Variants in CAMK4 observed in about 807,000 individuals in gnomAD.
The protein encoded by CAMK4 is calcium/calmodulin-dependent protein kinase type IV.
CAMK4 carries 22 observed loss-of-function variants against 44.9 expected under a neutral mutation model. That is an observed-to-expected ratio of 0.49 (90% CI 0.35 to 0.70). The LOEUF (loss-of-function observed/expected upper bound fraction) is 0.70, where lower values mean the gene tolerates loss of function less well. CAMK4 is among the 30% of genes least tolerant of loss of function. CAMK4 has a pLI of 0.01. For missense variants in CAMK4, 498 were observed against 586.8 expected (o/e 0.85, Z 1.56); for synonymous variants, 218 against 215.4 (o/e 1.01, Z -0.11).
intron 4 of CAMK4, among the ~76,000 whole-genome samples, chr5:111,380,864 C>T (rs1283742758): frequency 6.6e-6 from 1 of 152,124 alleles, no homozygotes; most frequent in Non-Finnish European, 1.5e-5. Flanking sequence ...TTAATGCAAT[C>T]AGATATTAGG....
chr5:111,438,083 G>A (rs1421090572), intron 5 of CAMK4, among the ~76,000 whole-genome samples: 4 of 152,202 alleles, frequency 2.6e-5, no homozygotes, highest in Non-Finnish European at 2.9e-5. Context: ...TGTAGATGGC[G>A]AGGGAGAGAA....
In CAMK4 at chr5:111,484,421, G is replaced by A. The variant is rs1580814524; in HGVS notation, c.1377G>A (p.Val459=). ...GAGAAGGGCAAGGAAGCTCTGCTGT[G>A]GGTTTTGAAGTTCCACAGCAAGATG... ...APREGQGSSA[V]GFEVPQQDVI... The change falls in exon 11 of 11, where the codon GTG becomes GTA. Residue 459 remains valine, a synonymous_variant. Transcript: ENST00000282356. This position sits in a 1 kb window ranked among gnomAD's most constrained non-coding sequence, Gnocchi z 5.3. 1.3e-6 allele frequency: 2 copies of A among 1,537,828 alleles called. No individual in the cohort carries two copies. Among genetic ancestry groups the A allele is most frequent in the Middle Eastern group, 1.8e-4 (1 of 5,694 alleles).
rs1749287755 is a variant in CAMK4, at chr5:111,333,996, AG to A, written c.162-10026del. Among the ~76,000 whole-genome samples, 3 of 151,448 alleles carry A rather than the reference AG, an allele frequency of 2.0e-5. No individual in the cohort carries two copies. In the Admixed American group the frequency reaches 2.0e-4, roughly 10 times the overall value. ...AGGAGGACATGAGAAGACTGAAGTG[AG>A]GTGCTTACGCTTGCTTTCTGCAGGA... On this transcript the variant is annotated intron_variant, in intron 1 of 10. Coordinates refer to ENST00000282356, the MANE Select transcript of CAMK4 (RefSeq NM_001744.6).
chr5:111,346,846 A>AAACAAACAAACAAACAAAC (rs372511472), intron 2 of CAMK4, among the ~76,000 whole-genome samples: 22 of 116,862 alleles, frequency 1.9e-4, no homozygotes, highest in East Asian at 4.9e-4. Flanking sequence ...AACAAACAAA[A>AAACAAACAAACAAACAAAC]ACACTAACAC....
At chr5:111,224,100 G>T (rs1199432798), upstream of CAMK4, 1 of 173,454 alleles carries the variant, frequency 5.8e-6, no homozygotes, top group Non-Finnish European at 1.2e-5. This position sits in a 1 kb window ranked among gnomAD's most constrained non-coding sequence, Gnocchi z 5.7. Context: ...TCCAGCATCC[G>T]GAGCCGCCCT....
intron 1 of CAMK4, among the ~76,000 whole-genome samples, chr5:111,229,250 C>G (rs1748346446): frequency 6.6e-6 from 1 of 152,148 alleles, no homozygotes; most frequent in Non-Finnish European, 1.5e-5. Flanking sequence ...CAATGCATTT[C>G]CTCAGTTAGG....
rs996271796 is a variant in CAMK4, at chr5:111,354,053, A to C, written c.240+9951A>C. Among the ~76,000 whole-genome samples the C allele has an allele frequency of 3.3e-5, 5 of 152,270 alleles. No homozygotes were observed. The East Asian group carries it at 9.7e-4, about 30-fold the overall frequency. On this transcript the variant is annotated intron_variant, in intron 2 of 10. Coordinates refer to ENST00000282356, the MANE Select transcript of CAMK4 (RefSeq NM_001744.6). Reference sequence around the variant, plus strand: ...TTCACAACAGCTAAGATGAGGAAACAGCTTCTGTCTGTCAAAAGATGAATG... The same window carrying C: ...TTCACAACAGCTAAGATGAGGAAACCGCTTCTGTCTGTCAAAAGATGAATG...
chr5:111,411,025 A>G (rs765498328), intron 5 of CAMK4, among the ~76,000 whole-genome samples: 25 of 152,308 alleles, frequency 1.6e-4, no homozygotes, highest in Middle Eastern at 3.4e-3. Context: ...ATGAAAACAC[A>G]CACACAAAAG....
At chr5:111,366,822 A>T (rs1309127477) in intron 2 of CAMK4, among the ~76,000 whole-genome samples, 5 of 152,088 alleles carry the variant, frequency 3.3e-5, no homozygotes, top group African/African-American at 1.2e-4. Context: ...TCTTGAAACT[A>T]TAAAAACCTG....
intron 5 of CAMK4, among the ~76,000 whole-genome samples, chr5:111,395,885 A>G (rs1348120023): frequency 6.6e-6 from 1 of 152,144 alleles, no homozygotes; most frequent in Non-Finnish European, 1.5e-5. Context: ...TATCAGGATC[A>G]GTTAAAGAGA....
chr5:111,245,653 C>T (rs1445477931), intron 1 of CAMK4, among the ~76,000 whole-genome samples: 2 of 152,152 alleles, frequency 1.3e-5, no homozygotes, highest in Non-Finnish European at 2.9e-5. Context: ...CCAACTGATT[C>T]CCTGATCTAA....
chr5:111,434,607 ATAG>A, intron 5 of CAMK4, among the ~76,000 whole-genome samples: 1 of 152,172 alleles, frequency 6.6e-6, no homozygotes, highest in African/African-American at 2.4e-5. Context: ...GTCATGGGAG[ATAG>A]TAGTTCCTTA....
chr5:111,282,235 T>C (rs986561792), intron 1 of CAMK4, among the ~76,000 whole-genome samples: 11 of 152,182 alleles, frequency 7.2e-5, no homozygotes, highest in Admixed American at 7.2e-4. Context: ...ATCTAACATT[T>C]AAAATACAAG....
chr5:111,308,198 T>A lies in CAMK4; in HGVS notation c.162-35826T>A, dbSNP rs373457576. 9.1e-5 allele frequency among the ~76,000 whole-genome samples: 13 copies of A among 143,194 alleles called. No individual in the cohort carries two copies. The East Asian group carries it at 1.6e-3, about 18-fold the overall frequency. The allele number at this position is 143,194 out of a possible 152,430, so 93.9% of individuals were successfully genotyped here. On this transcript the variant is annotated intron_variant, in intron 1 of 10. Transcript: ENST00000282356. Reference sequence around the variant, plus strand: ...CGCACCAGCATGGCACATGTATACATATGTAACTAACCTGCACAATGTGCA... The same window carrying A: ...CGCACCAGCATGGCACATGTATACAAATGTAACTAACCTGCACAATGTGCA...
At chr5:111,259,836 C>G (rs1443125278) in intron 1 of CAMK4, among the ~76,000 whole-genome samples, 1 of 152,094 alleles carries the variant, frequency 6.6e-6, no homozygotes, top group Non-Finnish European at 1.5e-5. Flanking sequence ...TTTTATAGAT[C>G]ATTAACAACC....
rs1755476015 is a variant in CAMK4, at chr5:111,482,735, C to T, written c.829-50C>T. ...GGAAGTTTGTAAGCTGAGGGCAAGC[C>T]CAGGTCATCCTAAAAACCTCGCTAA... On this transcript the variant is annotated intron_variant, in intron 9 of 10. Coordinates refer to ENST00000282356, the MANE Select transcript of CAMK4 (RefSeq NM_001744.6). The surrounding 1 kb of genome is among the most constrained non-coding windows in gnomAD (Gnocchi z 4.9). 6.8e-7 allele frequency: 1 copy of T among 1,462,214 alleles called. No homozygotes were observed. Among genetic ancestry groups the T allele is most frequent in the South Asian group, 1.3e-5 (1 of 79,370 alleles). 90.6% of individuals were successfully genotyped at this position (1,462,214 alleles called of 1,614,324 possible).
intron 1 of CAMK4, among the ~76,000 whole-genome samples, chr5:111,269,715 CAGTCCCTAA>C (rs534003982): frequency 1.3e-5 from 2 of 152,148 alleles, no homozygotes; most frequent in Non-Finnish European, 2.9e-5. Context: ...GGACTCCCTG[CAGTCCCTAA>C]AGAGAGCATA....
At chr5:111,386,059 C>G (rs2112845523) in intron 4 of CAMK4, among the ~76,000 whole-genome samples, 1 of 152,282 alleles carries the variant, frequency 6.6e-6, no homozygotes, top group Non-Finnish European at 1.5e-5. Context: ...TTGAATGTAA[C>G]AGGTGCTAGT....
intron 3 of CAMK4, 77 bp downstream of exon 3, chr5:111,374,989 C>G (rs1177276137): frequency 1.1e-6 from 1 of 875,344 alleles, no homozygotes; most frequent in African/African-American, 2.6e-5. Flanking sequence ...ACTGTCAGTG[C>G]TGATAATGAG....
Sources: allele counts gnomAD v4.1 joint callset (sites outside exome capture counted in the v4.1 genomes callset), GRCh38; gene constraint gnomAD v4.1.1; non-coding constraint Gnocchi (gnomAD v3.1); transcripts MANE v1.5; gene names NCBI Gene and HGNC (gene_info 2026-07-23, HGNC 2026-07-21).